PCDH9: variants seen among roughly 807,000 people sequenced by gnomAD.
PCDH9 encodes protocadherin 9.
Under a neutral mutation model 70.6 loss-of-function variants are expected in PCDH9, and 24 were observed. The ratio of observed to expected loss-of-function variants is 0.34; its 90% CI spans 0.25 to 0.48. PCDH9 has a LOEUF of 0.48. Among genes scored for constraint, PCDH9 ranks in the 20% least tolerant of loss-of-function variants. The probability of loss-of-function intolerance (pLI) is 0.99; values close to 1 mark genes in which losing one functional copy is unlikely to be tolerated. For missense variants in PCDH9, 1,281 were observed against 1,503.6 expected (o/e 0.85, Z 2.45); for synonymous variants, 562 against 558.5 (o/e 1.01, Z -0.09).
chr13:66,765,247 C>A (rs2079696732), intron 3 of PCDH9, among the ~76,000 whole-genome samples: 1 of 151,906 alleles, frequency 6.6e-6, no homozygotes, highest in South Asian at 2.1e-4. Flanking sequence ...CATACAGAAT[C>A]CTGTACAAAA....
chr13:67,126,090 A>G (rs1421842667), intron 2 of PCDH9, among the ~76,000 whole-genome samples: 1 of 152,186 alleles, frequency 6.6e-6, no homozygotes, highest in Non-Finnish European at 1.5e-5. Context: ...AACAAGTAAC[A>G]TCATATATTT....
chr13:66,493,572 G>A (rs1594063246), intron 4 of PCDH9, among the ~76,000 whole-genome samples: 1 of 152,040 alleles, frequency 6.6e-6, no homozygotes, highest in Non-Finnish European at 1.5e-5. Context: ...TCAACAAAAA[G>A]CAGAATAAAT....
At chr13:66,376,527 A>G (rs1233194406) in intron 4 of PCDH9, among the ~76,000 whole-genome samples, 2 of 152,166 alleles carry the variant, frequency 1.3e-5, no homozygotes, top group African/African-American at 2.4e-5. Context: ...AAAGTAAAAC[A>G]GATGACTTTT....
chr13:66,539,395 A>G (rs4427678), intron 4 of PCDH9, among the ~76,000 whole-genome samples: 146,284 of 152,198 alleles, frequency 0.96, 70,593 homozygotes, highest in East Asian at 1. Flanking sequence ...TGTGGTTACC[A>G]CCATGTTGCT....
chr13:67,180,499 T>C (rs1421319662), intron 2 of PCDH9, among the ~76,000 whole-genome samples: 3 of 152,202 alleles, frequency 2.0e-5, no homozygotes, highest in African/African-American at 2.4e-5. Flanking sequence ...GAGTCACTTG[T>C]ATTAAATCAA....
intron 4 of PCDH9, among the ~76,000 whole-genome samples, chr13:66,428,841 G>C (rs183962567): frequency 2.0e-3 from 309 of 151,782 alleles, no homozygotes; most frequent in Non-Finnish European, 3.0e-3. Flanking sequence ...AGAAATTAAA[G>C]TATATATTCA....
intron 3 of PCDH9, among the ~76,000 whole-genome samples, chr13:66,860,464 G>A (rs972115577): frequency 7.9e-5 from 12 of 152,172 alleles, no homozygotes; most frequent in Admixed American, 5.9e-4. Context: ...CATTGTGGGA[G>A]GCTCCCGTCA....
chr13:67,057,174 A>C (rs260128), intron 2 of PCDH9, among the ~76,000 whole-genome samples: 151,096 of 152,238 alleles, frequency 0.99, 74,993 homozygotes, highest in East Asian at 1. Context: ...ATACGCATAG[A>C]TTAACAAAGT....
intron 4 of PCDH9, among the ~76,000 whole-genome samples, chr13:66,335,298 T>C (rs1238749298): frequency 6.6e-6 from 1 of 152,168 alleles, no homozygotes; most frequent in African/African-American, 2.4e-5. Context: ...TTTTTGAGAA[T>C]TGTGTCCTCT....
chr13:66,400,316 T>A (rs1252688870), intron 4 of PCDH9, among the ~76,000 whole-genome samples: 1 of 152,220 alleles, frequency 6.6e-6, no homozygotes, highest in Non-Finnish European at 1.5e-5. Context: ...GTATCATTCT[T>A]AGGCAAGGAG....
At chr13:66,823,637 G>T (rs903440034) in intron 3 of PCDH9, among the ~76,000 whole-genome samples, 1 of 151,918 alleles carries the variant, frequency 6.6e-6, no homozygotes, top group Admixed American at 6.6e-5. Context: ...ATAATGTATG[G>T]GTTTTTCAGG....
chr13:66,850,355 C>T (rs2081295384), intron 3 of PCDH9, among the ~76,000 whole-genome samples: 1 of 151,988 alleles, frequency 6.6e-6, no homozygotes, highest in African/African-American at 2.4e-5. Flanking sequence ...CCCATCTCTA[C>T]TAAAAATGCA....
chr13:66,359,619 A>G (rs1188259418), intron 4 of PCDH9, among the ~76,000 whole-genome samples: 1 of 152,086 alleles, frequency 6.6e-6, no homozygotes, highest in Non-Finnish European at 1.5e-5. Context: ...AAGATGAATT[A>G]CATTCTAGGA....
intron 4 of PCDH9, among the ~76,000 whole-genome samples, chr13:66,491,385 T>TTGTGTGTGTGTG (rs71106974): frequency 0.068 from 9,205 of 135,988 alleles, 450 homozygotes; most frequent in Non-Finnish European, 0.077. Flanking sequence ...GCAGGAGATA[T>TTGTGTGTGTGTG]TGTGTGTGTG....
At chr13:66,805,725 C>G (rs2080399151) in intron 3 of PCDH9, among the ~76,000 whole-genome samples, 1 of 152,138 alleles carries the variant, frequency 6.6e-6, no homozygotes, top group Admixed American at 6.6e-5. Flanking sequence ...CCTATGTCCT[C>G]ATATCAAGAT....
chr13:66,684,562 C>A (rs2078373714), intron 3 of PCDH9, among the ~76,000 whole-genome samples: 2 of 152,070 alleles, frequency 1.3e-5, no homozygotes, highest in Admixed American at 6.6e-5. Flanking sequence ...GGGCTTTCCC[C>A]CTTTCACTTG....
intron 4 of PCDH9, among the ~76,000 whole-genome samples, chr13:66,517,773 A>C (rs1406982950): frequency 6.6e-6 from 1 of 152,122 alleles, no homozygotes; most frequent in Non-Finnish European, 1.5e-5. Flanking sequence ...CTTTTAATAA[A>C]CAATTCTTGA....
chr13:66,891,149 T>C (rs1043277268), intron 3 of PCDH9, among the ~76,000 whole-genome samples: 1 of 152,160 alleles, frequency 6.6e-6, no homozygotes, highest in Non-Finnish European at 1.5e-5. Flanking sequence ...GGTTTCTTTT[T>C]ACTGCTGCAT....
intron 4 of PCDH9, among the ~76,000 whole-genome samples, chr13:66,531,432 A>C (rs571789521): frequency 3.3e-5 from 5 of 152,222 alleles, no homozygotes; most frequent in Admixed American, 1.3e-4. Context: ...TGGAGATCGA[A>C]AGCACTGTTG....
Sources: allele counts gnomAD v4.1 joint callset (sites outside exome capture counted in the v4.1 genomes callset), GRCh38; gene constraint gnomAD v4.1.1; transcripts MANE v1.5; gene names NCBI Gene and HGNC (gene_info 2026-07-23, HGNC 2026-07-21).